CMIP: variants seen among roughly 807,000 people sequenced by gnomAD.
CMIP encodes the protein c-Maf inducing protein.
CMIP carries 13 observed loss-of-function variants against 97.3 expected under a neutral mutation model. The observed-to-expected ratio is 0.13, with a 90% CI of 0.09 to 0.21. The LOEUF is 0.21. Among genes scored for constraint, CMIP ranks in the 10% least tolerant of loss-of-function variants. The probability of loss-of-function intolerance (pLI) is 1.00; values close to 1 mark genes in which losing one functional copy is unlikely to be tolerated. For missense variants in CMIP, 847 were observed against 1,024.9 expected (o/e 0.83, Z 2.37); for synonymous variants, 538 against 436.3 (o/e 1.23, Z -2.91).
chr16:81,447,329 G>A (rs1905920207), intron 1 of CMIP, among the ~76,000 whole-genome samples: 1 of 151,970 alleles, frequency 6.6e-6, no homozygotes, highest in Non-Finnish European at 1.5e-5. Flanking sequence ...ACCTGCCATG[G>A]GAAGGCCAGG....
chr16:81,682,451 G>C (rs1904965818), intron 10 of CMIP, among the ~76,000 whole-genome samples: 1 of 152,068 alleles, frequency 6.6e-6, no homozygotes, highest in African/African-American at 2.4e-5. Context: ...CATAATCCCA[G>C]CTACTTGGGA....
At position 81,466,416 on chromosome 16, in the gene CMIP, C is replaced by T. The variant is rs371488833; in HGVS notation, c.300+20875C>T. On this transcript the variant is annotated intron_variant, in intron 1 of 20. Coordinates refer to ENST00000537098, the MANE Select transcript of CMIP (RefSeq NM_198390.3). ...TGGCTGTTTCTTGGTTGATTGGAGGCCAGGGATGTGCAGTTGCTGTGTTTG... is the reference window on the plus strand; with the variant it reads ...TGGCTGTTTCTTGGTTGATTGGAGGTCAGGGATGTGCAGTTGCTGTGTTTG... Among the ~76,000 whole-genome samples, 211 of 152,260 alleles carry T rather than the reference C, an allele frequency of 1.4e-3. 8 individuals carry two copies. The South Asian group carries it at 0.042, about 30-fold the overall frequency.
At chr16:81,514,178 T>C (rs148324085) in intron 1 of CMIP, among the ~76,000 whole-genome samples, 1 of 152,304 alleles carries the variant, frequency 6.6e-6, no homozygotes, top group East Asian at 1.9e-4. Context: ...TTCCAGTCTA[T>C]TTGAGGAATG....
Position 81,670,243 on chromosome 16 carries a change from G to T in CMIP, c.927G>T (p.Gln309His). The T allele has an allele frequency of 1.9e-6, 3 of 1,608,936 alleles. No individual in the cohort carries two copies. Among genetic ancestry groups the T allele is most frequent in the Non-Finnish European group, 2.5e-6 (3 of 1,177,706 alleles). Residue 309 changes from glutamine to histidine, a missense_variant and splice_region_variant, in exon 8 of 21, where the codon CAG (glutamine) becomes CAT (histidine). Gln to His is a conservative substitution (Grantham distance 24, BLOSUM62 0). Around this residue, in one of 4 missense-constraint regions of CMIP, gnomAD observed 285 missense variants for 392.2 expected, o/e 0.73. Transcript: ENST00000537098. ...TGGAAGTGGTGAAGAAGTTCATTCA[G>T]AGGTGGGTCTCCGGCGCGACGTCCC... is the stretch of plus-strand genomic sequence containing the variant. ...AGMEVVKKFI[Q>H]SMHGPTGHCP...
chr16:81,455,380 C>A (rs948158051), intron 1 of CMIP, among the ~76,000 whole-genome samples: 1 of 152,224 alleles, frequency 6.6e-6, no homozygotes, highest in Non-Finnish European at 1.5e-5. Context: ...GAGGCACTGC[C>A]CCTCAACAGA....
At chr16:81,705,762 A>T (rs1483750175) in intron 19 of CMIP, among the ~76,000 whole-genome samples, 158 bp downstream of exon 19, 1 of 152,258 alleles carries the variant, frequency 6.6e-6, no homozygotes, top group African/African-American at 2.4e-5. Flanking sequence ...TGGACCAGGC[A>T]CCATTCCATG....
rs772913745 is a variant in CMIP, at chr16:81,445,502, C to T, written c.261C>T (p.His87=). ...TSKFLRRWEP[H]HLTLADNSLA... is the part of the protein sequence containing the mutation. Reference sequence around the variant, plus strand: ...AATTCCTGAGGCGCTGGGAGCCGCACCACCTAACGCTGGCCGACAACAGCC... The same window carrying T: ...AATTCCTGAGGCGCTGGGAGCCGCATCACCTAACGCTGGCCGACAACAGCC... Residue 87 remains histidine (H), a synonymous_variant, in exon 1 of 21, where the codon CAC becomes CAT. Coordinates refer to ENST00000537098, the MANE Select transcript of CMIP (RefSeq NM_198390.3). The T allele has an allele frequency of 4.7e-5, 73 of 1,553,236 alleles. No individual in the cohort carries two copies. The highest frequency in any genetic ancestry group is 3.3e-4 in the Middle Eastern group (2 of 6,012).
chr16:81,491,730 C>T (rs2089409019), intron 1 of CMIP, among the ~76,000 whole-genome samples: 1 of 152,196 alleles, frequency 6.6e-6, no homozygotes, highest in East Asian at 1.9e-4. Flanking sequence ...GGCACCCTTC[C>T]CTGTCTGAAC....
At chr16:81,501,538 G>A (rs1261351442) in intron 1 of CMIP, among the ~76,000 whole-genome samples, 2 of 152,070 alleles carry the variant, frequency 1.3e-5, no homozygotes, top group African/African-American at 4.8e-5. Context: ...GCTGGGGGTG[G>A]AGTGGGGTCG....
chr16:81,574,889 G>A (rs1040741362), intron 1 of CMIP, among the ~76,000 whole-genome samples: 3 of 152,204 alleles, frequency 2.0e-5, no homozygotes, highest in South Asian at 4.1e-4. Context: ...CGTATCCTAA[G>A]CCCCTCCACA....
chr16:81,605,296 G>A (rs944907958), intron 1 of CMIP, among the ~76,000 whole-genome samples: 14 of 152,192 alleles, frequency 9.2e-5, no homozygotes, highest in African/African-American at 1.7e-4. Context: ...CCGGGATTGG[G>A]GGCCAGGGGG....
intron 1 of CMIP, among the ~76,000 whole-genome samples, chr16:81,478,913 C>A (rs773790154): frequency 6.6e-6 from 1 of 152,168 alleles, no homozygotes; most frequent in Admixed American, 6.5e-5. Flanking sequence ...CCAGCCCAGC[C>A]TCGTCTTGTT....
At chr16:81,534,996 G>A (rs1008723965) in intron 1 of CMIP, among the ~76,000 whole-genome samples, 1 of 152,154 alleles carries the variant, frequency 6.6e-6, no homozygotes, top group African/African-American at 2.4e-5. Context: ...TGTCTCCCAG[G>A]CTGGAGTGCA....
chr16:81,484,642 C>G (rs1385235124), intron 1 of CMIP, among the ~76,000 whole-genome samples: 15 of 152,164 alleles, frequency 9.9e-5, no homozygotes, highest in Admixed American at 8.5e-4. Context: ...TTGGTGCGCA[C>G]AGACCCGGCT....
intron 1 of CMIP, among the ~76,000 whole-genome samples, chr16:81,564,509 G>A (rs575528237): frequency 1.4e-4 from 21 of 152,340 alleles, no homozygotes; most frequent in African/African-American, 4.1e-4. Context: ...GAGTTGATGT[G>A]GGGGGAAGAA....
At chr16:81,555,430 G>A (rs1428395192) in intron 1 of CMIP, among the ~76,000 whole-genome samples, 1 of 152,208 alleles carries the variant, frequency 6.6e-6, no homozygotes, top group Non-Finnish European at 1.5e-5. Flanking sequence ...CATGCTCTCA[G>A]CAGGGAATGG....
At chr16:81,536,041 T>G (rs905365027) in intron 1 of CMIP, among the ~76,000 whole-genome samples, 10 of 152,344 alleles carry the variant, frequency 6.6e-5, no homozygotes, top group African/African-American at 1.9e-4. Context: ...ATGTGATCCC[T>G]GTTTGCAGTG....
At chr16:81,532,843 T>C (rs881213) in intron 1 of CMIP, among the ~76,000 whole-genome samples, 51,586 of 152,056 alleles carry the variant, frequency 0.34, 8,894 homozygotes, top group East Asian at 0.45. Context: ...TGTTGCCTCC[T>C]GCGCCTCTCT....
intron 1 of CMIP, among the ~76,000 whole-genome samples, chr16:81,568,040 T>G (rs943099698): frequency 3.8e-5 from 1 of 26,466 alleles, no homozygotes; most frequent in African/African-American, 1.2e-4. Context: ...TGTGTGTGTG[T>G]TTTTTTTTTT....
Sources: gnomAD v4.1 joint callset for allele counts (sites outside exome capture counted in the v4.1 genomes callset) on GRCh38, gnomAD v4.1.1 for gene constraint, gnomAD v4.1.1 regional missense constraint, MANE v1.5 for transcripts, NCBI Gene and HGNC (gene_info 2026-07-23, HGNC 2026-07-21) for gene names.